MEGF9: variants seen among roughly 807,000 people sequenced by gnomAD.
MEGF9 encodes multiple epidermal growth factor-like domains protein 9.
A neutral mutation model predicts 46.8 loss-of-function variants in MEGF9; 6 were observed. That is an observed-to-expected ratio of 0.13 (90% CI 0.07 to 0.25). The LOEUF is 0.25. Ranked by LOEUF, MEGF9 falls within the 10% of genes least tolerant of loss-of-function variation. The pLI is 1.00. For missense variants in MEGF9, 683 were observed against 792.4 expected (o/e 0.86, Z 1.66); for synonymous variants, 302 against 330.7 (o/e 0.91, Z 0.94).
intron 1 of MEGF9, among the ~76,000 whole-genome samples, chr9:120,705,031 T>C (rs2043922015): frequency 6.6e-6 from 1 of 152,190 alleles, no homozygotes; most frequent in African/African-American, 2.4e-5. Flanking sequence ...GTTTTTTCTT[T>C]ATTGTTCCTC....
intron 2 of MEGF9, among the ~76,000 whole-genome samples, chr9:120,631,740 C>T (rs2043551562): frequency 6.6e-6 from 1 of 152,176 alleles, no homozygotes; most frequent in South Asian, 2.1e-4. Context: ...CAGTCTCAGC[C>T]TCCCAAAGTG....
At position 120,671,387 on chromosome 9, in the gene MEGF9, G is replaced by T. The variant is rs370957384; in HGVS notation, c.602-11812C>A. ...ATACAGCCAGAGTAAGCCCAAGAGAGACCAGGAGAAGAACCATCAGAATGA... is the reference window on the plus strand; with the variant it reads ...ATACAGCCAGAGTAAGCCCAAGAGATACCAGGAGAAGAACCATCAGAATGA... On this transcript the variant is annotated intron_variant, in intron 1 of 5. Coordinates refer to ENST00000373930, the MANE Select transcript of MEGF9 (RefSeq NM_001080497.3). Among the ~76,000 whole-genome samples the T allele has an allele frequency of 2.9e-4, 44 of 152,306 alleles. 2 individuals carry two copies. In the East Asian group the frequency reaches 2.9e-3, roughly 10 times the overall value.
rs2043399998 is a variant in MEGF9 at position 120,602,232 on chromosome 9, G to A, written c.*2958C>T. 6.6e-6 allele frequency: 1 copy of A among 152,366 alleles called. No homozygotes were observed. Among genetic ancestry groups the A allele is most frequent in the Non-Finnish European group, 1.5e-5 (1 of 68,130 alleles). The allele number at this position is 152,366 out of a possible 1,614,324, so 9.4% of individuals were successfully genotyped here. A position where few individuals can be genotyped will look rare whatever the true frequency, so the allele number is the denominator to read the frequency against. ...TTGACCAGGCTGGTCTCGAACTCCT[G>A]ACCTTGTGATCCACCCGCCTCGGCC... On this transcript the variant is annotated 3_prime_UTR_variant, in exon 6 of 6. Transcript: ENST00000373930.
At chr9:120,679,273 A>C (rs1587993277) in intron 1 of MEGF9, among the ~76,000 whole-genome samples, 1 of 152,186 alleles carries the variant, frequency 6.6e-6, no homozygotes. Flanking sequence ...GCACATATAC[A>C]CCATGGAATA....
intron 2 of MEGF9, among the ~76,000 whole-genome samples, chr9:120,631,829 G>T (rs2043551962): frequency 6.6e-6 from 1 of 152,114 alleles, no homozygotes; most frequent in African/African-American, 2.4e-5. Context: ...TATTTTGATA[G>T]GGATAGCATT....
At chr9:120,709,568 G>C (rs987052980) in intron 1 of MEGF9, among the ~76,000 whole-genome samples, 2 of 152,148 alleles carry the variant, frequency 1.3e-5, no homozygotes, top group African/African-American at 2.4e-5. Flanking sequence ...ACCTGTAAGA[G>C]CTGTCATGGC....
chr9:120,648,600 G>A (rs1251058888), intron 2 of MEGF9, among the ~76,000 whole-genome samples: 1 of 152,012 alleles, frequency 6.6e-6, no homozygotes, highest in African/African-American at 2.4e-5. Flanking sequence ...TGAGAATAGA[G>A]GTAATATCTT....
chr9:120,653,375 TTTA>T (rs1386405973), intron 2 of MEGF9, among the ~76,000 whole-genome samples: 7 of 138,360 alleles, frequency 5.1e-5, no homozygotes, highest in African/African-American at 2.1e-4. Flanking sequence ...ATTTATTTTA[TTTA>T]TTTTTTTTTT....
rs1342644469 is a variant in MEGF9 at position 120,603,173 on chromosome 9, A to T, written c.*2017T>A. 6.6e-6 allele frequency: 1 copy of T among 152,188 alleles called. No homozygotes were observed. The highest frequency in any genetic ancestry group is 1.5e-5 in the Non-Finnish European group (1 of 68,036). 9.4% of individuals were successfully genotyped at this position (152,188 alleles called of 1,614,324 possible). On this transcript the variant is annotated 3_prime_UTR_variant, in exon 6 of 6. Coordinates refer to ENST00000373930, the MANE Select transcript of MEGF9 (RefSeq NM_001080497.3). ...GATTCCAAGCCTAATAATCACACAC[A>T]TTGTATAGCCTTGAACAAGATATTT...
chr9:120,689,980 A>C (rs556978169), intron 1 of MEGF9: 2 of 531,566 alleles, frequency 3.8e-6, no homozygotes, highest in Non-Finnish European at 7.7e-6. Flanking sequence ...GTAAGAGGCA[A>C]GTACTTGCTT....
chr9:120,671,083 T>C (rs2043746790), intron 1 of MEGF9, among the ~76,000 whole-genome samples: 1 of 152,228 alleles, frequency 6.6e-6, no homozygotes, highest in Admixed American at 6.5e-5. Flanking sequence ...CAGGCCATAT[T>C]CTGCTTAACT....
intron 2 of MEGF9, among the ~76,000 whole-genome samples, chr9:120,636,856 G>C (rs1049955953): frequency 3.3e-5 from 2 of 60,710 alleles, no homozygotes; most frequent in African/African-American, 5.9e-5. Context: ...TCTGGGGGGT[G>C]GGGGGGCCCC....
At chr9:120,646,804 C>A (rs77564052) in intron 2 of MEGF9, among the ~76,000 whole-genome samples, 1 of 151,968 alleles carries the variant, frequency 6.6e-6, no homozygotes, top group Non-Finnish European at 1.5e-5. Flanking sequence ...CAGATAAATG[C>A]GGTATTTAGT....
chr9:120,711,865 A>ACACACACC (rs1554800497), intron 1 of MEGF9, among the ~76,000 whole-genome samples: 5 of 149,958 alleles, frequency 3.3e-5, no homozygotes, highest in Admixed American at 2.0e-4. Flanking sequence ...ACACACACAC[A>ACACACACC]CACACACCCA....
chr9:120,696,453 T>C (rs2043877439), intron 1 of MEGF9, among the ~76,000 whole-genome samples: 1 of 152,140 alleles, frequency 6.6e-6, no homozygotes, highest in African/African-American at 2.4e-5. Flanking sequence ...TCCTGCTTGG[T>C]AGAGTGGGGA....
chr9:120,703,028 T>G (rs750560185), intron 1 of MEGF9, among the ~76,000 whole-genome samples: 1 of 152,240 alleles, frequency 6.6e-6, no homozygotes, highest in Non-Finnish European at 1.5e-5. Flanking sequence ...CAAATGTTCA[T>G]TTGTCCATTG....
chr9:120,646,470 T>C (rs1363812675), intron 2 of MEGF9, among the ~76,000 whole-genome samples: 1 of 152,214 alleles, frequency 6.6e-6, no homozygotes, highest in Non-Finnish European at 1.5e-5. Context: ...TTAATCTTGC[T>C]GTTTGCTGTC....
intron 2 of MEGF9, among the ~76,000 whole-genome samples, chr9:120,639,295 G>A (rs1171999532): frequency 3.3e-5 from 5 of 151,928 alleles, no homozygotes; most frequent in African/African-American, 9.7e-5. Context: ...GATAATTTGA[G>A]GTCAGGAGTT....
chr9:120,714,091 G>A lies in MEGF9; in HGVS notation c.268C>T (p.Pro90Ser). 2 of 1,256,182 alleles carry A rather than the reference G, an allele frequency of 1.6e-6. No homozygotes were observed. The highest frequency in any genetic ancestry group is 3.1e-5 in the East Asian group (1 of 32,488). The allele number at this position is 1,256,182 out of a possible 1,614,324, so 77.8% of individuals were successfully genotyped here. A position where few individuals can be genotyped will look rare whatever the true frequency, so the allele number is the denominator to read the frequency against. Reference protein sequence around the residue: ...TGPPRATVHRPLAATSPAQSP... With the variant: ...TGPPRATVHRSLAATSPAQSP... ...TGGGCTGGAGAAGTCGCAGCCAGGG[G>A]TCGGTGGACGGTGGCGCGCGGGGGC... The change falls in exon 1 of 6, where the codon CCC becomes TCC. Residue 90 changes from proline to serine, a missense_variant. Transcript: ENST00000373930.
Sources: gnomAD v4.1 joint callset for allele counts (sites outside exome capture counted in the v4.1 genomes callset) on GRCh38, gnomAD v4.1.1 for gene constraint, MANE v1.5 for transcripts, NCBI Gene and HGNC (gene_info 2026-07-23, HGNC 2026-07-21) for gene names.